RPSA2: variants seen among roughly 807,000 people sequenced by gnomAD.
The protein encoded by RPSA2 is ribosomal protein SA 2, also known as small ribosomal subunit protein uS2B.
the RPSA2 span, chr19:23,827,985 A>T: frequency 2.4e-6 from 2 of 826,234 alleles, no homozygotes; most frequent in Admixed American, 4.1e-5. Flanking sequence ...GCCACGGAAG[A>T]CTGGTCTGCA....
the RPSA2 span, among the ~76,000 whole-genome samples, chr19:23,812,522 A>G: frequency 6.6e-6 from 1 of 151,596 alleles, no homozygotes; most frequent in East Asian, 1.9e-4. Context: ...CAGCCTCCCA[A>G]GTAGCTGGGA....
At chr19:23,774,787 C>CT in the RPSA2 span, among the ~76,000 whole-genome samples, 413 of 152,294 alleles carry the variant, frequency 2.7e-3, 3 homozygotes, top group Middle Eastern at 0.037. Context: ...ACTCTACTGT[C>CT]TGTGCCCTGA....
the RPSA2 span, among the ~76,000 whole-genome samples, chr19:23,766,207 C>CAG: frequency 7.3e-5 from 9 of 122,672 alleles, no homozygotes; most frequent in Admixed American, 5.7e-4. Context: ...GGCTAGAGTG[C>CAG]AGTGGTGCAG....
the RPSA2 span, among the ~76,000 whole-genome samples, chr19:23,865,244 G>C: frequency 2.0e-5 from 3 of 152,350 alleles, no homozygotes; most frequent in East Asian, 5.8e-4. Context: ...GGCAGCATTT[G>C]TCTGTTGAAG....
the RPSA2 span, among the ~76,000 whole-genome samples, chr19:23,847,349 C>G: frequency 5.9e-5 from 9 of 152,188 alleles, no homozygotes; most frequent in East Asian, 1.7e-3. Flanking sequence ...AATATTTCAA[C>G]ATAGGTTCTT....
At chr19:23,832,196 G>C in the RPSA2 span, 1 of 426,910 alleles carries the variant, frequency 2.3e-6, no homozygotes, top group South Asian at 1.9e-5. Flanking sequence ...AGATATAAGA[G>C]GATGCACAGA....
the RPSA2 span, among the ~76,000 whole-genome samples, chr19:23,789,019 C>CTTTTT: frequency 7.2e-4 from 81 of 112,614 alleles, 22 homozygotes; most frequent in Admixed American, 9.6e-4. Context: ...TTTTTTCTTT[C>CTTTTT]TTTCTTTTTT....
At chr19:23,836,389 A>C in the RPSA2 span, among the ~76,000 whole-genome samples, 47,789 of 151,540 alleles carry the variant, frequency 0.32, 7,826 homozygotes, top group East Asian at 0.52. Context: ...ACACACACAC[A>C]CCCCACAGTT....
At chr19:23,770,702 A>G in the RPSA2 span, among the ~76,000 whole-genome samples, 9 of 152,118 alleles carry the variant, frequency 5.9e-5, no homozygotes, top group Non-Finnish European at 1.2e-4. Context: ...CCCACAGATC[A>G]TTGTAACATA....
chr19:23,792,570 A>AC, the RPSA2 span, among the ~76,000 whole-genome samples: 2 of 94,290 alleles, frequency 2.1e-5, no homozygotes, highest in Non-Finnish European at 4.3e-5. Flanking sequence ...GTAGCAACTA[A>AC]GTTTTTTTGT....
At chr19:23,829,198 GTTATT>G in the RPSA2 span, among the ~76,000 whole-genome samples, 1 of 152,028 alleles carries the variant, frequency 6.6e-6, no homozygotes, top group African/African-American at 2.4e-5. Context: ...TAGACTTACT[GTTATT>G]TTATTATGCA....
the RPSA2 span, among the ~76,000 whole-genome samples, chr19:23,842,391 C>T: frequency 6.6e-6 from 1 of 152,180 alleles, no homozygotes; most frequent in Non-Finnish European, 1.5e-5. Flanking sequence ...TGAAGGAATG[C>T]ATTAGAGAAT....
the RPSA2 span, chr19:23,831,727 T>G: frequency 3.8e-6 from 1 of 263,562 alleles, no homozygotes; most frequent in South Asian, 5.8e-5. Flanking sequence ...GCTGTAAAAG[T>G]GTGGATGAGT....
chr19:23,827,277 A>T, the RPSA2 span: 2 of 968,860 alleles, frequency 2.1e-6, no homozygotes, highest in African/African-American at 1.6e-5. Context: ...CACTACATCT[A>T]TAAAAGGAAA....
chr19:23,867,360 G>A, the RPSA2 span, among the ~76,000 whole-genome samples: 1 of 152,208 alleles, frequency 6.6e-6, no homozygotes, highest in Non-Finnish European at 1.5e-5. Context: ...TGCAAATATA[G>A]CTATCAATTT....
At chr19:23,830,162 A>T in the RPSA2 span, among the ~76,000 whole-genome samples, 3 of 151,230 alleles carry the variant, frequency 2.0e-5, no homozygotes. Flanking sequence ...TTTTTTTGAG[A>T]CTAAACGTCT....
At chr19:23,789,092 T>C in the RPSA2 span, among the ~76,000 whole-genome samples, 145,646 of 148,904 alleles carry the variant, frequency 0.98, 71,326 homozygotes, top group Middle Eastern at 1. Flanking sequence ...CCTCCGCCTC[T>C]TGGGTTCTAG....
the RPSA2 span, among the ~76,000 whole-genome samples, chr19:23,778,182 A>G: frequency 6.6e-6 from 1 of 152,080 alleles, no homozygotes; most frequent in Admixed American, 6.6e-5. Flanking sequence ...TCTCTTGGCC[A>G]ATCAACTGTT....
chr19:23,843,951 G>C, the RPSA2 span, among the ~76,000 whole-genome samples: 5 of 152,058 alleles, frequency 3.3e-5, no homozygotes, highest in Admixed American at 3.3e-4. Flanking sequence ...TAGAGATGGG[G>C]TTTCTTCATG....
Sources: allele counts gnomAD v4.1 joint callset (sites outside exome capture counted in the v4.1 genomes callset), GRCh38; gene constraint gnomAD v4.1.1; transcripts MANE v1.5; gene names NCBI Gene and HGNC (gene_info 2026-07-23, HGNC 2026-07-21).